Variants in RAB2A observed in about 807,000 individuals in gnomAD.
RAB2A encodes the protein RAB2A, member RAS oncogene family.
In RAB2A, 7 loss-of-function variants were observed where a neutral mutation model predicts 32.5. The observed-to-expected ratio is 0.22, with a 90% CI of 0.12 to 0.40. The LOEUF (loss-of-function observed/expected upper bound fraction) is 0.40, where lower values mean the gene tolerates loss of function less well. RAB2A is among the 10% of genes least tolerant of loss of function. RAB2A has a pLI of 1.00. For synonymous variants in RAB2A, 79 were observed against 85.2 expected (o/e 0.93, Z 0.40); for missense variants, 108 against 260.7 (o/e 0.41, Z 4.03).
intron 1 of RAB2A, among the ~76,000 whole-genome samples, chr8:60,533,856 G>C (rs1426384634): frequency 1.3e-5 from 2 of 152,130 alleles, no homozygotes; most frequent in Non-Finnish European, 2.9e-5. Context: ...TGTAATCCCA[G>C]CTACCCGGGA....
intron 6 of RAB2A, among the ~76,000 whole-genome samples, chr8:60,606,864 C>T (rs1804240884): frequency 1.3e-5 from 2 of 152,234 alleles, no homozygotes; most frequent in Admixed American, 1.3e-4. Context: ...CAAAACTGTT[C>T]TTCCCTCTTA....
intron 5 of RAB2A, among the ~76,000 whole-genome samples, chr8:60,587,365 A>G (rs1357918080): frequency 2.0e-5 from 3 of 152,238 alleles, no homozygotes; most frequent in Admixed American, 1.3e-4. Flanking sequence ...ATTAACTGGA[A>G]GTGGATCATA....
chr8:60,619,791 G>T (rs760026794), intron 7 of RAB2A, among the ~76,000 whole-genome samples: 4 of 152,200 alleles, frequency 2.6e-5, no homozygotes, highest in Non-Finnish European at 5.9e-5. Context: ...GTAATGTGCT[G>T]TTGGGAGCCA....
intron 2 of RAB2A, among the ~76,000 whole-genome samples, chr8:60,564,056 T>C (rs886724093): frequency 1.3e-5 from 2 of 152,244 alleles, no homozygotes; most frequent in African/African-American, 4.8e-5. Context: ...AAGTAAATCC[T>C]TAGTACTACC....
intron 3 of RAB2A, among the ~76,000 whole-genome samples, chr8:60,575,955 T>A (rs1462470995): frequency 2.0e-5 from 3 of 152,152 alleles, no homozygotes; most frequent in Admixed American, 1.3e-4. Context: ...GCACCTGGCC[T>A]ACAGGATGTT....
At position 60,517,198 on chromosome 8, in the gene RAB2A, G is replaced by A; in HGVS notation, c.-10G>A. The A allele has an allele frequency of 4.7e-6, 7 of 1,488,466 alleles. No individual in the cohort carries two copies. Among genetic ancestry groups the A allele is most frequent in the East Asian group, 3.0e-5 (1 of 33,404 alleles). 92.2% of individuals were successfully genotyped at this position (1,488,466 alleles called of 1,614,324 possible). Reference sequence around the variant, plus strand: ...GGAGCCGTGTGCCCTGGCACTGAGCGGCCGCGGCCATGGCGTACGCCTATC... The same window carrying A: ...GGAGCCGTGTGCCCTGGCACTGAGCAGCCGCGGCCATGGCGTACGCCTATC... On this transcript the variant is annotated 5_prime_UTR_variant, in exon 1 of 8. Coordinates refer to ENST00000262646, the MANE Select transcript of RAB2A (RefSeq NM_002865.3).
chr8:60,517,559 C>G (rs1807227199), intron 1 of RAB2A, among the ~76,000 whole-genome samples: 1 of 152,036 alleles, frequency 6.6e-6, no homozygotes, highest in Admixed American at 6.5e-5. Context: ...CCGCCGGGGC[C>G]CGACTCACAT....
chr8:60,561,412 C>T (rs1808023270), intron 2 of RAB2A, among the ~76,000 whole-genome samples: 1 of 152,140 alleles, frequency 6.6e-6, no homozygotes, highest in Admixed American at 6.5e-5. Context: ...TGTGTCTCAA[C>T]GTGAGGGCAG....
At chr8:60,607,064 T>G (rs1248369938) in intron 6 of RAB2A, among the ~76,000 whole-genome samples, 1 of 152,116 alleles carries the variant, frequency 6.6e-6, no homozygotes, top group African/African-American at 2.4e-5. Context: ...TTTTCTTTTT[T>G]AAGCTAAACT....
rs1407436825 is a variant in RAB2A at position 60,623,400 on chromosome 8, C to A, written c.*2631C>A. On this transcript the variant is annotated 3_prime_UTR_variant, in exon 8 of 8. Coordinates refer to ENST00000262646, the MANE Select transcript of RAB2A (RefSeq NM_002865.3). Reference sequence around the variant, plus strand: ...ATGTCTGGCTTTGCAACACCTTAAACATTTATTCTGTCATAGATAGTAAAG... The same window carrying A: ...ATGTCTGGCTTTGCAACACCTTAAAAATTTATTCTGTCATAGATAGTAAAG... 6.6e-6 allele frequency: 1 copy of A among 152,178 alleles called. No homozygotes were observed. Among genetic ancestry groups the A allele is most frequent in the African/African-American group, 2.4e-5 (1 of 41,430 alleles). 9.4% of individuals were successfully genotyped at this position (152,178 alleles called of 1,614,324 possible).
intron 2 of RAB2A, among the ~76,000 whole-genome samples, chr8:60,562,879 C>T (rs1388037956): frequency 6.6e-6 from 1 of 152,072 alleles, no homozygotes; most frequent in Non-Finnish European, 1.5e-5. Flanking sequence ...AAAGGGTATT[C>T]AGTACCACCA....
At chr8:60,569,293 CTGTTTGTT>C (rs369449211) in intron 2 of RAB2A, among the ~76,000 whole-genome samples, 15 of 151,870 alleles carry the variant, frequency 9.9e-5, no homozygotes, top group South Asian at 6.2e-4. Flanking sequence ...CTTCTTGTTT[CTGTTTGTT>C]TGTTTGTTTG....
intron 1 of RAB2A, among the ~76,000 whole-genome samples, chr8:60,533,843 G>T (rs1251743480): frequency 7.9e-5 from 12 of 152,124 alleles, no homozygotes; most frequent in Admixed American, 7.9e-4. Flanking sequence ...GGTGGTGGGT[G>T]CCTGTAATCC....
At chr8:60,542,309 A>G (rs1402081794) in intron 1 of RAB2A, among the ~76,000 whole-genome samples, 1 of 152,172 alleles carries the variant, frequency 6.6e-6, no homozygotes. Flanking sequence ...AGGTCAGGAG[A>G]TCGAGACCAT....
Position 60,519,341 on chromosome 8 carries a change from C to T in RAB2A, c.46+2088C>T, listed in dbSNP as rs77518198. ...TCGCCTTCTTTCCCGCTATTCCCCA[C>T]CTTGCTTCTGCCATTGAGTCCCAGT... is the stretch of plus-strand genomic sequence containing the variant. On this transcript the variant is annotated intron_variant, in intron 1 of 7. Transcript: ENST00000262646. 3.8e-3 allele frequency among the ~76,000 whole-genome samples: 558 copies of T among 148,732 alleles called. 5 individuals carry two copies. The highest frequency in any genetic ancestry group is 0.014 in the African/African-American group (537 of 38,086).
intron 3 of RAB2A, among the ~76,000 whole-genome samples, chr8:60,576,555 A>G (rs1803636921): frequency 6.6e-6 from 1 of 152,248 alleles, no homozygotes; most frequent in Non-Finnish European, 1.5e-5. Flanking sequence ...ACTTTTGACC[A>G]AATTGTGTGA....
At chr8:60,587,430 A>G (rs1563478910) in intron 5 of RAB2A, among the ~76,000 whole-genome samples, 1 of 152,214 alleles carries the variant, frequency 6.6e-6, no homozygotes, top group Non-Finnish European at 1.5e-5. Context: ...AACAAATTGT[A>G]GTGACCCTGT....
At chr8:60,580,709 A>G (rs181569783) in intron 3 of RAB2A, among the ~76,000 whole-genome samples, 5 of 152,322 alleles carry the variant, frequency 3.3e-5, no homozygotes, top group Admixed American at 2.6e-4. Context: ...CCATATTGGA[A>G]CGTGTTTTGT....
At chr8:60,598,396 T>C (rs1478631378) in intron 6 of RAB2A, among the ~76,000 whole-genome samples, 3 of 152,142 alleles carry the variant, frequency 2.0e-5, no homozygotes, top group African/African-American at 7.2e-5. Context: ...ATTTATTTTA[T>C]AAAACTGATT....
Sources: gnomAD v4.1 joint callset for allele counts (sites outside exome capture counted in the v4.1 genomes callset) on GRCh38, gnomAD v4.1.1 for gene constraint, MANE v1.5 for transcripts, NCBI Gene and HGNC (gene_info 2026-07-23, HGNC 2026-07-21) for gene names.